The following ZMYM2 variants were observed in gnomAD, a reference collection of about 807,000 sequenced individuals.
The protein encoded by ZMYM2 is zinc finger MYM-type protein 2.
ZMYM2 carries 56 observed loss-of-function variants against 162.8 expected under a neutral mutation model. The observed-to-expected ratio is 0.34, with a 90% CI of 0.28 to 0.43. ZMYM2 has a LOEUF of 0.43. Ranked by LOEUF, ZMYM2 falls within the 20% of genes least tolerant of loss-of-function variation. The pLI is 1.00. For synonymous variants in ZMYM2, 510 were observed against 541.6 expected, an observed-to-expected ratio of 0.94 and a Z score of 0.81; for missense variants, 1,275 against 1,621.8, an observed-to-expected ratio of 0.79 and a Z score of 3.67.
chr13:19,873,154 G>A, the ZMYM2 span, among the ~76,000 whole-genome samples: 1 of 152,110 alleles, frequency 6.6e-6, no homozygotes, highest in Admixed American at 6.6e-5. Flanking sequence ...CACTCATACT[G>A]ATAGAATAAT....
chr13:20,027,430 G>A, intron 9 of ZMYM2, 112 bp downstream of exon 9: 1 of 816,112 alleles, frequency 1.2e-6, no homozygotes, highest in Non-Finnish European at 1.8e-6. Context: ...CTTGTTGAGG[G>A]TCAAATTGGA....
At chr13:19,880,155 G>C in the ZMYM2 span, among the ~76,000 whole-genome samples, 6 of 152,126 alleles carry the variant, frequency 3.9e-5, no homozygotes, top group African/African-American at 1.4e-4. Flanking sequence ...CTTTCAGACA[G>C]CATACTGTGG....
the ZMYM2 span, among the ~76,000 whole-genome samples, chr13:19,871,708 A>T: frequency 1.2e-3 from 186 of 152,350 alleles, 1 homozygote; most frequent in Non-Finnish European, 2.2e-3. Flanking sequence ...TTTATACTAA[A>T]TGTAAAAAAT....
At chr13:19,865,498 G>A in the ZMYM2 span, among the ~76,000 whole-genome samples, 1 of 152,154 alleles carries the variant, frequency 6.6e-6, no homozygotes, top group Non-Finnish European at 1.5e-5. Context: ...GGAAATAAGT[G>A]AATTACATGT....
intron 2 of ZMYM2, among the ~76,000 whole-genome samples, chr13:19,973,688 A>AC (rs1956529876): frequency 6.8e-6 from 1 of 148,116 alleles, no homozygotes; most frequent in Non-Finnish European, 1.5e-5. Context: ...AAAAAAAAAA[A>AC]ACACCAAAAA....
intron 12 of ZMYM2, among the ~76,000 whole-genome samples, chr13:20,046,929 C>T (rs954470702): frequency 2.0e-5 from 3 of 151,780 alleles, no homozygotes; most frequent in African/African-American, 7.3e-5. Context: ...AGTCAAATAC[C>T]GGGTTACAAT....
chr13:20,004,235 ATCAGTATTG>A (rs1334353518), intron 4 of ZMYM2, among the ~76,000 whole-genome samples: 1 of 152,020 alleles, frequency 6.6e-6, no homozygotes, highest in African/African-American at 2.4e-5. Context: ...TTCAAAGGTC[ATCAGTATTG>A]TCAGTTTTGT....
chr13:19,918,701 A>G, the ZMYM2 span, among the ~76,000 whole-genome samples: 1 of 151,652 alleles, frequency 6.6e-6, no homozygotes, highest in African/African-American at 2.4e-5. Flanking sequence ...GTTTCATCAT[A>G]TAGGTCAGGC....
chr13:19,943,017 C>T, the ZMYM2 span, among the ~76,000 whole-genome samples: 70,966 of 151,976 alleles, frequency 0.47, 18,449 homozygotes, highest in East Asian at 0.7. Context: ...TCTTTTACTG[C>T]TCTGGAGGCT....
intron 10 of ZMYM2, among the ~76,000 whole-genome samples, chr13:20,032,597 G>T (rs1298651428): frequency 0.021 from 1,794 of 85,952 alleles, 44 homozygotes; most frequent in Non-Finnish European, 0.031. Flanking sequence ...TTTTTTTTCT[G>T]TCTTTTTTTT....
At chr13:19,962,509 ATATATATTTT>A (rs1316332950) in intron 2 of ZMYM2, among the ~76,000 whole-genome samples, 8 of 57,128 alleles carry the variant, frequency 1.4e-4, no homozygotes, top group African/African-American at 4.5e-4. Context: ...ATATATATAT[ATATATATTTT>A]TTTTTTTTTT....
chr13:19,914,277 A>C, the ZMYM2 span, among the ~76,000 whole-genome samples: 1 of 152,206 alleles, frequency 6.6e-6, no homozygotes, highest in African/African-American at 2.4e-5. Flanking sequence ...GGAGTATTTT[A>C]ATAATCAAGT....
chr13:19,940,057 T>G, the ZMYM2 span, among the ~76,000 whole-genome samples: 1 of 152,210 alleles, frequency 6.6e-6, no homozygotes, highest in African/African-American at 2.4e-5. Flanking sequence ...GTTTTTAAAA[T>G]GCAGGTGTTT....
intron 12 of ZMYM2, among the ~76,000 whole-genome samples, chr13:20,043,287 C>T (rs969703119): frequency 6.6e-5 from 10 of 152,192 alleles, no homozygotes; most frequent in Non-Finnish European, 7.3e-5. Flanking sequence ...GTGTCAGTCA[C>T]AGCATTTGGT....
At chr13:19,906,051 G>A in the ZMYM2 span, among the ~76,000 whole-genome samples, 5 of 151,682 alleles carry the variant, frequency 3.3e-5, no homozygotes, top group Non-Finnish European at 5.9e-5. Context: ...TGAGGCAGTC[G>A]GATCACCTGA....
chr13:19,870,026 C>T, the ZMYM2 span, among the ~76,000 whole-genome samples: 13 of 152,196 alleles, frequency 8.5e-5, no homozygotes, highest in South Asian at 2.1e-4. Flanking sequence ...GCAGTCCACA[C>T]GTAGGCCAGG....
chr13:20,059,013 T>C, intron 15 of ZMYM2: 1 of 442,204 alleles, frequency 2.3e-6, no homozygotes, highest in Non-Finnish European at 4.2e-6. Context: ...AATCATCTCT[T>C]TGCATGTGGT....
Position 20,082,772 on chromosome 13 carries a change from C to G in ZMYM2, c.3569-9C>G, listed in dbSNP as rs763499956. ...TATAATTCTTTTAAAATAGTTCTCT[C>G]TATTTAAGGGTCAATATTCTCTCGA... is the stretch of plus-strand genomic sequence containing the variant. On this transcript the variant is annotated splice_polypyrimidine_tract_variant and intron_variant, in intron 22 of 24. Transcript: ENST00000610343. 2 of 1,551,826 alleles carry G rather than the reference C, an allele frequency of 1.3e-6. No homozygotes were observed. Among genetic ancestry groups the G allele is most frequent in the Non-Finnish European group, 1.7e-6 (2 of 1,149,354 alleles).
the ZMYM2 span, among the ~76,000 whole-genome samples, chr13:19,884,750 T>C: frequency 0.012 from 1,757 of 152,212 alleles, 33 homozygotes; most frequent in African/African-American, 0.039. Flanking sequence ...CGATAAATGT[T>C]ACAGCTCTTC....
Sources: gnomAD v4.1 joint callset for allele counts (sites outside exome capture counted in the v4.1 genomes callset) on GRCh38, gnomAD v4.1.1 for gene constraint, MANE v1.5 for transcripts, NCBI Gene and HGNC (gene_info 2026-07-23, HGNC 2026-07-21) for gene names.